The following IQGAP2 variants were observed in gnomAD, a reference collection of about 807,000 sequenced individuals.
IQGAP2 encodes ras GTPase-activating-like protein IQGAP2.
Under a neutral mutation model 201.3 loss-of-function variants are expected in IQGAP2, and 173 were observed. That is an observed-to-expected ratio of 0.86 (90% CI 0.76 to 0.98). IQGAP2 has a LOEUF of 0.98. IQGAP2 is among the 50% of genes least tolerant of loss of function. IQGAP2 has a pLI of 0.00. For missense variants in IQGAP2, 1,687 were observed against 1,864.8 expected (o/e 0.90, Z 1.76); for synonymous variants, 675 against 673.9 (o/e 1.00, Z -0.03).
At position 76,600,976 on chromosome 5, in the gene IQGAP2, A is replaced by G; in HGVS notation, c.1232+4A>G. 6.2e-7 allele frequency: 1 copy of G among 1,609,646 alleles called. No homozygotes were observed. The highest frequency in any genetic ancestry group is 8.5e-7 in the Non-Finnish European group (1 of 1,176,510). Reference sequence around the variant, plus strand: ...TGGACAAGGCATATGTGGAACGGTAAGGAACATTTTCCAAACCTTCTTTCA... The same window carrying G: ...TGGACAAGGCATATGTGGAACGGTAGGGAACATTTTCCAAACCTTCTTTCA... On this transcript the variant is annotated splice_donor_region_variant and intron_variant, in intron 11 of 35. Coordinates refer to ENST00000274364, the MANE Select transcript of IQGAP2 (RefSeq NM_006633.5).
chr5:76,675,780 T>C (rs1304608176), intron 27 of IQGAP2, among the ~76,000 whole-genome samples: 1 of 152,222 alleles, frequency 6.6e-6, no homozygotes, highest in Non-Finnish European at 1.5e-5. Flanking sequence ...ATTTAGAATT[T>C]GTGGTCTTTT....
intron 1 of IQGAP2, among the ~76,000 whole-genome samples, chr5:76,455,453 CAAAAAA>C (rs59978990): frequency 3.7e-5 from 3 of 81,232 alleles, no homozygotes; most frequent in Non-Finnish European, 4.8e-5. Flanking sequence ...GACTCTGTCT[CAAAAAA>C]AAAAAAAAAA....
chr5:76,682,466 TAAA>T (rs113958575), intron 28 of IQGAP2, among the ~76,000 whole-genome samples: 1 of 138,314 alleles, frequency 7.2e-6, no homozygotes, highest in Middle Eastern at 3.8e-3. Context: ...TTGTTTAAAT[TAAA>T]AAAAAAAAAA....
chr5:76,650,515 G>A (rs1184653533), intron 17 of IQGAP2, among the ~76,000 whole-genome samples: 2 of 152,156 alleles, frequency 1.3e-5, no homozygotes, highest in African/African-American at 4.8e-5. Flanking sequence ...ATCATAATAT[G>A]TGTGGTAAGC....
At chr5:76,442,606 C>T (rs1048848176) in intron 1 of IQGAP2, among the ~76,000 whole-genome samples, 5 of 152,158 alleles carry the variant, frequency 3.3e-5, no homozygotes, top group Admixed American at 1.3e-4. Context: ...GGATTTTCAC[C>T]TAGAGTGCAT....
rs562664856 is a variant in IQGAP2 at position 76,649,136 on chromosome 5, A to G, written c.2095-3614A>G. Reference sequence around the variant, plus strand: ...AGACAAAGAAAATATTTGGAAAAGCAGTGAGATAGAAACAACTTACCTGTA... The same window carrying G: ...AGACAAAGAAAATATTTGGAAAAGCGGTGAGATAGAAACAACTTACCTGTA... On this transcript the variant is annotated intron_variant, in intron 17 of 35. Coordinates refer to ENST00000274364, the MANE Select transcript of IQGAP2 (RefSeq NM_006633.5). Among the ~76,000 whole-genome samples, 3 of 152,364 alleles carry G rather than the reference A, an allele frequency of 2.0e-5. No individual in the cohort carries two copies. In the South Asian group the frequency reaches 6.2e-4, roughly 32 times the overall value.
At chr5:76,674,363 A>G in intron 26 of IQGAP2, 114 bp from the exon 27 acceptor site, 1 of 636,640 alleles carries the variant, frequency 1.6e-6, no homozygotes, top group Non-Finnish European at 2.7e-6. Context: ...TCAGAAAATG[A>G]TCTGCTTTCT....
chr5:76,536,121 T>C (rs1185142962), intron 2 of IQGAP2, among the ~76,000 whole-genome samples: 1 of 134,568 alleles, frequency 7.4e-6, no homozygotes, highest in East Asian at 2.3e-4. Context: ...TAGGCTGGAG[T>C]GAAGTGGCAC....
chr5:76,497,472 T>C (rs916761952), intron 2 of IQGAP2, among the ~76,000 whole-genome samples: 18 of 152,236 alleles, frequency 1.2e-4, no homozygotes, highest in African/African-American at 1.7e-4. Context: ...TAAGTACTCA[T>C]TTCAGTGAAG....
intron 35 of IQGAP2, among the ~76,000 whole-genome samples, chr5:76,706,831 TA>T (rs1237216808): frequency 1.3e-5 from 2 of 152,252 alleles, no homozygotes; most frequent in Non-Finnish European, 2.9e-5. Context: ...GGGAATTTAT[TA>T]AAATGCAAAT....
chr5:76,680,293 G>A (rs1488987563), intron 28 of IQGAP2, among the ~76,000 whole-genome samples: 2 of 152,188 alleles, frequency 1.3e-5, no homozygotes, highest in Non-Finnish European at 2.9e-5. Flanking sequence ...GCCAAAGAAT[G>A]TAGTTGTGCC....
At chr5:76,487,968 G>A (rs1039937534) in intron 2 of IQGAP2, among the ~76,000 whole-genome samples, 2 of 152,242 alleles carry the variant, frequency 1.3e-5, no homozygotes, top group African/African-American at 4.8e-5. Context: ...AAGGAGTTTA[G>A]GGCTGACTGG....
In IQGAP2 at chr5:76,602,582, AT is replaced by A. The variant is rs10533521; in HGVS notation, c.1232+1622del. On this transcript the variant is annotated intron_variant, in intron 11 of 35. Transcript: ENST00000274364. ...TGTGAAGAACTTTTAAAATGTTTTG[AT>A]TTTTTTTTTTTAATTTAAATACATT... 4.5e-3 allele frequency among the ~76,000 whole-genome samples: 662 copies of A among 148,178 alleles called. 3 individuals are homozygous for A. Among genetic ancestry groups the A allele is most frequent in the Middle Eastern group, 0.021 (6 of 284 alleles).
At chr5:76,593,878 C>T (rs984994780) in intron 9 of IQGAP2, among the ~76,000 whole-genome samples, 4 of 152,154 alleles carry the variant, frequency 2.6e-5, no homozygotes, top group African/African-American at 9.7e-5. Context: ...AGTGTACACC[C>T]ACGGTGTTAC....
At chr5:76,557,026 A>G (rs990637408) in intron 2 of IQGAP2, among the ~76,000 whole-genome samples, 4 of 152,216 alleles carry the variant, frequency 2.6e-5, no homozygotes, top group Middle Eastern at 3.2e-3. Context: ...GACAGTGAAT[A>G]TACTATCTTC....
intron 17 of IQGAP2, among the ~76,000 whole-genome samples, chr5:76,645,290 A>G (rs1483925839): frequency 6.6e-6 from 1 of 152,148 alleles, no homozygotes; most frequent in Admixed American, 6.5e-5. Context: ...TGCTATTGTG[A>G]ACAGCACTGC....
At chr5:76,479,831 C>T (rs1380045511) in intron 2 of IQGAP2, among the ~76,000 whole-genome samples, 2 of 152,020 alleles carry the variant, frequency 1.3e-5, no homozygotes, top group African/African-American at 4.8e-5. Flanking sequence ...ATTCAGAAGT[C>T]TTGTGGCTAA....
intron 1 of IQGAP2, among the ~76,000 whole-genome samples, chr5:76,443,634 C>A (rs1753185118): frequency 6.6e-6 from 1 of 152,122 alleles, no homozygotes; most frequent in Middle Eastern, 3.2e-3. Flanking sequence ...ATAAAGCCGT[C>A]TCTCTAGCCA....
At chr5:76,685,485 G>A (rs1425350603) in intron 30 of IQGAP2, among the ~76,000 whole-genome samples, 3 of 152,178 alleles carry the variant, frequency 2.0e-5, no homozygotes, top group African/African-American at 4.8e-5. Flanking sequence ...GTAGTTCAAA[G>A]TATCAGATAA....
Sources: gnomAD v4.1 joint callset for allele counts (sites outside exome capture counted in the v4.1 genomes callset) on GRCh38, gnomAD v4.1.1 for gene constraint, MANE v1.5 for transcripts, NCBI Gene and HGNC (gene_info 2026-07-23, HGNC 2026-07-21) for gene names.